Variants in RNF121 observed in about 807,000 individuals in gnomAD.
RNF121 encodes the protein ring finger protein 121.
In RNF121, 21 loss-of-function variants were observed where a neutral mutation model predicts 46.5. That is an observed-to-expected ratio of 0.45 (90% CI 0.32 to 0.65). The LOEUF is 0.65. Ranked by LOEUF, RNF121 falls within the 30% of genes least tolerant of loss-of-function variation. The probability of loss-of-function intolerance (pLI) is 0.04; values close to 1 mark genes in which losing one functional copy is unlikely to be tolerated. For missense variants in RNF121, 346 were observed against 416.0 expected (o/e 0.83, Z 1.46); for synonymous variants, 139 against 144.7 (o/e 0.96, Z 0.28).
chr11:71,996,823 T>C lies in RNF121; in HGVS notation c.*508T>C, dbSNP rs959541247. On this transcript the variant is annotated 3_prime_UTR_variant, in exon 9 of 9. Coordinates refer to ENST00000361756, the MANE Select transcript of RNF121 (RefSeq NM_018320.5). ...GCACTGAGGCCCCAGGTGTCCTCCC[T>C]CCCCCACTGTCTGGGACACAGGACA... 6.4e-6 allele frequency: 1 copy of C among 156,950 alleles called. No individual in the cohort carries two copies. Among genetic ancestry groups the C allele is most frequent in the Middle Eastern group, 3.3e-3 (1 of 304 alleles). The allele number at this position is 156,950 out of a possible 1,614,324, so 9.7% of individuals were successfully genotyped here. A position where few individuals can be genotyped will look rare whatever the true frequency, so the allele number is the denominator to read the frequency against.
chr11:71,946,647 G>T (rs1953725657), intron 1 of RNF121, among the ~76,000 whole-genome samples: 1 of 136,340 alleles, frequency 7.3e-6, no homozygotes. Flanking sequence ...TGAGCATGAG[G>T]TTTTTTTTTT....
At chr11:71,967,915 T>C (rs1954325415) in intron 3 of RNF121, among the ~76,000 whole-genome samples, 1 of 152,220 alleles carries the variant, frequency 6.6e-6, no homozygotes, top group Non-Finnish European at 1.5e-5. Flanking sequence ...CAGGTTTCTT[T>C]TGGAATGTTT....
intron 2 of RNF121, among the ~76,000 whole-genome samples, chr11:71,960,349 G>A (rs930558396): frequency 5.9e-5 from 9 of 152,180 alleles, no homozygotes; most frequent in Non-Finnish European, 1.0e-4. Context: ...GTGACTAAGC[G>A]TATGAGACTT....
chr11:71,985,271 C>T (rs1954750599), intron 4 of RNF121, among the ~76,000 whole-genome samples: 1 of 152,124 alleles, frequency 6.6e-6, no homozygotes, highest in Non-Finnish European at 1.5e-5. Context: ...TGTAGCATTT[C>T]ATGAACATGT....
At chr11:71,980,410 G>A (rs900659932) in intron 3 of RNF121, among the ~76,000 whole-genome samples, 2 of 151,702 alleles carry the variant, frequency 1.3e-5, no homozygotes, top group African/African-American at 2.4e-5. Flanking sequence ...GCGATGGCGC[G>A]ATCTCAGCTT....
chr11:71,933,292 T>TGG (rs1953320703), intron 1 of RNF121, among the ~76,000 whole-genome samples: 12 of 152,358 alleles, frequency 7.9e-5, no homozygotes, highest in African/African-American at 2.4e-4. Context: ...GTCCTATTTA[T>TGG]CTGCCAAAAT....
intron 1 of RNF121, among the ~76,000 whole-genome samples, chr11:71,943,242 A>G (rs934241580): frequency 6.6e-6 from 1 of 152,202 alleles, no homozygotes; most frequent in African/African-American, 2.4e-5. Flanking sequence ...GGGAAAGAAA[A>G]TAATCAAGCT....
chr11:71,986,683 C>G (rs1457283880), intron 4 of RNF121, among the ~76,000 whole-genome samples: 1 of 147,990 alleles, frequency 6.8e-6, no homozygotes, highest in Non-Finnish European at 1.5e-5. Context: ...GCAGAAGAAT[C>G]GCTTGAACTC....
intron 1 of RNF121, among the ~76,000 whole-genome samples, chr11:71,936,141 G>A (rs543778443): frequency 1.2e-4 from 18 of 152,072 alleles, no homozygotes; most frequent in African/African-American, 3.6e-4. Flanking sequence ...GATTATAGGC[G>A]TAAACTGCTG....
At chr11:71,974,621 C>T (rs1954489489) in intron 3 of RNF121, among the ~76,000 whole-genome samples, 1 of 151,910 alleles carries the variant, frequency 6.6e-6, no homozygotes, top group South Asian at 2.1e-4. Flanking sequence ...AGTGTTCTTT[C>T]TGTAGGTTCC....
intron 1 of RNF121, among the ~76,000 whole-genome samples, chr11:71,956,435 C>T (rs1953993267): frequency 6.6e-6 from 1 of 152,202 alleles, no homozygotes; most frequent in African/African-American, 2.4e-5. Flanking sequence ...ATATACAGGA[C>T]ACCTTCCTCA....
intron 3 of RNF121, among the ~76,000 whole-genome samples, chr11:71,976,386 C>T (rs1055591968): frequency 3.4e-5 from 4 of 116,914 alleles, no homozygotes; most frequent in African/African-American, 1.3e-4. Context: ...GATGGAGTCT[C>T]GCTGTGTCGC....
At chr11:71,966,873 T>G (rs1328816184) in intron 3 of RNF121, among the ~76,000 whole-genome samples, 1 of 148,046 alleles carries the variant, frequency 6.8e-6, no homozygotes, top group Non-Finnish European at 1.5e-5. Context: ...GTTTTTTGTT[T>G]TTTTTTTTTG....
At chr11:71,931,157 G>C (rs894348057) in intron 1 of RNF121, among the ~76,000 whole-genome samples, 88 of 152,172 alleles carry the variant, frequency 5.8e-4, no homozygotes, top group African/African-American at 2.1e-3. Context: ...TTTTCATTAA[G>C]ACATGTTTGA....
At chr11:71,942,407 G>A (rs967932537) in intron 1 of RNF121, among the ~76,000 whole-genome samples, 1 of 152,044 alleles carries the variant, frequency 6.6e-6, no homozygotes, top group African/African-American at 2.4e-5. Context: ...GGATTCGGTG[G>A]GGGGTGTTTT....
At chr11:71,956,307 A>C (rs1416899682) in intron 1 of RNF121, among the ~76,000 whole-genome samples, 2 of 152,198 alleles carry the variant, frequency 1.3e-5, no homozygotes, top group Non-Finnish European at 2.9e-5. Context: ...TGACTTATGT[A>C]CTGAGACTTG....
intron 5 of RNF121, among the ~76,000 whole-genome samples, chr11:71,988,590 G>C (rs1259694978): frequency 6.6e-6 from 1 of 151,506 alleles, no homozygotes; most frequent in East Asian, 1.9e-4. Context: ...GACTGCTTGA[G>C]GCCAGGAGTT....
At chr11:71,941,382 A>G (rs1227025596) in intron 1 of RNF121, among the ~76,000 whole-genome samples, 12 of 152,172 alleles carry the variant, frequency 7.9e-5, no homozygotes, top group Non-Finnish European at 1.5e-4. Flanking sequence ...ACATTTATTA[A>G]GTTTGTGGTC....
intron 3 of RNF121, among the ~76,000 whole-genome samples, chr11:71,966,965 G>A (rs1378493088): frequency 2.7e-5 from 4 of 148,742 alleles, no homozygotes; most frequent in Non-Finnish European, 5.9e-5. Context: ...TCCGCTTCCC[G>A]GGTTCACGCC....
Sources: allele counts gnomAD v4.1 joint callset (sites outside exome capture counted in the v4.1 genomes callset), GRCh38; gene constraint gnomAD v4.1.1; transcripts MANE v1.5; gene names NCBI Gene and HGNC (gene_info 2026-07-23, HGNC 2026-07-21).